VAV2: variants seen among roughly 807,000 people sequenced by gnomAD.
The protein encoded by VAV2 is vav guanine nucleotide exchange factor 2, also known as guanine nucleotide exchange factor VAV2.
In VAV2, 67 loss-of-function variants were observed where a neutral mutation model predicts 132.5. That is an observed-to-expected ratio of 0.51 (90% confidence interval 0.42 to 0.62). VAV2 has a LOEUF of 0.62. Among genes scored for constraint, VAV2 ranks in the 20% least tolerant of loss-of-function variants. The pLI is 0.00. For missense variants in VAV2, 938 were observed against 1,153.6 expected (o/e 0.81, Z 2.71); for synonymous variants, 492 against 443.5 (o/e 1.11, Z -1.37).
intron 2 of VAV2, among the ~76,000 whole-genome samples, chr9:133,923,219 G>A (rs531478838): frequency 6.6e-6 from 1 of 152,284 alleles, no homozygotes; most frequent in East Asian, 1.9e-4. Context: ...AGAAATGGGA[G>A]CCCCGCTCAC....
chr9:133,940,100 G>C (rs1254081888), intron 1 of VAV2, among the ~76,000 whole-genome samples: 2 of 152,220 alleles, frequency 1.3e-5, no homozygotes, highest in East Asian at 1.9e-4. Flanking sequence ...TCGGGCCCCA[G>C]GTTGGAATCC....
chr9:133,846,472 T>C (rs1836939538), intron 3 of VAV2, among the ~76,000 whole-genome samples: 1 of 152,184 alleles, frequency 6.6e-6, no homozygotes, highest in Non-Finnish European at 1.5e-5. Context: ...AGGAAGGGTC[T>C]GGACAAAATC....
intron 1 of VAV2, among the ~76,000 whole-genome samples, chr9:133,956,090 T>C (rs1432390012): frequency 6.6e-6 from 1 of 151,934 alleles, no homozygotes; most frequent in Non-Finnish European, 1.5e-5. Flanking sequence ...GCTGGACAAG[T>C]CGCTGACCCT....
At chr9:133,956,690 A>C (rs1740669873) in intron 1 of VAV2, among the ~76,000 whole-genome samples, 2 of 152,214 alleles carry the variant, frequency 1.3e-5, no homozygotes, top group Non-Finnish European at 1.5e-5. Context: ...GCTGGTGGGC[A>C]GAGCACCAGG....
At position 133,784,330 on chromosome 9, in the gene VAV2, T is replaced by C. The variant is rs986093528; in HGVS notation, c.1621A>G (p.Lys541Glu). The C allele has an allele frequency of 3.1e-6, 5 of 1,614,218 alleles. No individual in the cohort carries two copies. The highest frequency in any genetic ancestry group is 4.2e-6 in the Non-Finnish European group (5 of 1,180,016). Residue 541 changes from lysine (K) to glutamate (E), a missense_variant, in exon 18 of 30, where the codon AAA (lysine) becomes GAA (glutamate). Physicochemically the swap from Lys to Glu is moderately conservative, Grantham distance 56. Transcript: ENST00000371850. ...GGTTTCCCACACCTGAGGAACATTT[T>C]GCAGGCTTTGCAGTTGGTGGTCTTG... ...FDKTTNCKAC[K>E]MFLRGTFYQG...
intron 29 of VAV2, 100 bp from the exon 30 acceptor site, chr9:133,764,209 G>C: frequency 6.7e-7 from 1 of 1,481,702 alleles, no homozygotes; most frequent in Non-Finnish European, 9.3e-7. Context: ...GGCTCATGAA[G>C]ATGGGGGGCC....
chr9:133,987,710 A>C (rs1842900286), intron 1 of VAV2, among the ~76,000 whole-genome samples: 2 of 152,202 alleles, frequency 1.3e-5, no homozygotes, highest in African/African-American at 4.8e-5. Flanking sequence ...TTAAGGGTGC[A>C]AACTGCTGAT....
At chr9:133,974,147 G>C (rs1344412311) in intron 1 of VAV2, among the ~76,000 whole-genome samples, 1 of 150,768 alleles carries the variant, frequency 6.6e-6, no homozygotes, top group African/African-American at 2.4e-5. Flanking sequence ...AGGGCCCAGC[G>C]TCTCCTCACA....
intron 1 of VAV2, among the ~76,000 whole-genome samples, chr9:133,957,684 C>T (rs997609654): frequency 2.0e-5 from 3 of 152,148 alleles, no homozygotes; most frequent in Non-Finnish European, 4.4e-5. Context: ...GCTGGCCCCA[C>T]CTCAGCCGGG....
chr9:133,812,412 G>A lies in VAV2; in HGVS notation c.450-196C>T, dbSNP rs554027617. 2.0e-4 allele frequency among the ~76,000 whole-genome samples: 31 copies of A among 152,332 alleles called. 2 individuals are homozygous for A. The South Asian group carries it at 5.8e-3, about 28-fold the overall frequency. ...GGGTGCGAACTGGGCAGCGTAAGGC[G>A]CATCCTCCAGTGCTCTGCCTGCTGC... is the stretch of plus-strand genomic sequence containing the variant. On this transcript the variant is annotated intron_variant, in intron 4 of 29. Transcript: ENST00000371850.
chr9:133,785,282 G>A (rs1220504481), intron 17 of VAV2, among the ~76,000 whole-genome samples: 1 of 152,214 alleles, frequency 6.6e-6, no homozygotes, highest in Non-Finnish European at 1.5e-5. Context: ...CAGGGTCCGT[G>A]TTCCGGGAAC....
At chr9:133,970,153 G>A (rs1842281111) in intron 1 of VAV2, among the ~76,000 whole-genome samples, 1 of 152,144 alleles carries the variant, frequency 6.6e-6, no homozygotes, top group Non-Finnish European at 1.5e-5. Flanking sequence ...ACTCCTTGAA[G>A]GAGAGACCGA....
intron 1 of VAV2, among the ~76,000 whole-genome samples, chr9:133,940,972 C>G (rs1339479114): frequency 6.6e-6 from 1 of 151,000 alleles, no homozygotes; most frequent in Non-Finnish European, 1.5e-5. Flanking sequence ...GGATCACACA[C>G]AGTTTCTGCT....
At position 133,846,836 on chromosome 9, in the gene VAV2, G is replaced by A. The variant is rs539933611; in HGVS notation, c.381-12496C>T. On this transcript the variant is annotated intron_variant, in intron 3 of 29. Transcript: ENST00000371850. ...GCCGACGGGCGGCAGGGATGAGAGG[G>A]AGCGACTTGTCCGCCCCAGTGATCG... Among the ~76,000 whole-genome samples the A allele has an allele frequency of 7.2e-5, 11 of 152,388 alleles. No individual in the cohort carries two copies. The East Asian group carries it at 2.1e-3, about 29-fold the overall frequency.
At chr9:133,972,713 C>A (rs555623333) in intron 1 of VAV2, among the ~76,000 whole-genome samples, 1 of 152,132 alleles carries the variant, frequency 6.6e-6, no homozygotes, top group African/African-American at 2.4e-5. Flanking sequence ...CTCACTCCAG[C>A]GAGGGGAACC....
rs984458557 is a variant in VAV2, at chr9:133,991,817, G to A, written c.204+258C>T. On this transcript the variant is annotated intron_variant, in intron 1 of 29. Coordinates refer to ENST00000371850, the MANE Select transcript of VAV2 (RefSeq NM_001134398.2). The surrounding 1 kb of genome is among the most constrained non-coding windows in gnomAD (Gnocchi z 4.8). Reference sequence around the variant, plus strand: ...CCCATCCCAGGCCGCGCAGACCGCGGAACCGGCGCACCAGAGCAGTGCCCG... The same window carrying A: ...CCCATCCCAGGCCGCGCAGACCGCGAAACCGGCGCACCAGAGCAGTGCCCG... Among the ~76,000 whole-genome samples, 2 of 150,980 alleles carry A rather than the reference G, an allele frequency of 1.3e-5. No homozygotes were observed. Among genetic ancestry groups the A allele is most frequent in the Non-Finnish European group, 3.0e-5 (2 of 67,536 alleles).
In VAV2 at chr9:133,900,650, T is replaced by C. The variant is rs1331837531; in HGVS notation, c.321+38453A>G. On this transcript the variant is annotated intron_variant, in intron 2 of 29. Coordinates refer to ENST00000371850, the MANE Select transcript of VAV2 (RefSeq NM_001134398.2). ...TCTGCCTGCCCATGCTTTGTGGAAC[T>C]TGCACATAAAAATGAGCAATTTCCC... 3.3e-5 allele frequency among the ~76,000 whole-genome samples: 5 copies of C among 152,308 alleles called. No individual in the cohort carries two copies. In the South Asian group the frequency reaches 1.0e-3, roughly 32 times the overall value.
At chr9:133,789,019 T>C (rs1474291237) in intron 14 of VAV2, among the ~76,000 whole-genome samples, 2 of 152,158 alleles carry the variant, frequency 1.3e-5, no homozygotes, top group Non-Finnish European at 2.9e-5. Context: ...CTGGCCCTCA[T>C]CTTTGGCTGC....
At chr9:133,808,982 G>A in intron 7 of VAV2, 58 bp downstream of exon 7, 1 of 1,499,178 alleles carries the variant, frequency 6.7e-7, no homozygotes, top group Non-Finnish European at 9.2e-7. Flanking sequence ...GAGATAGGTG[G>A]CCCTGCAGTG....
Sources: allele counts gnomAD v4.1 joint callset (sites outside exome capture counted in the v4.1 genomes callset), GRCh38; gene constraint gnomAD v4.1.1; non-coding constraint Gnocchi (gnomAD v3.1); transcripts MANE v1.5; gene names NCBI Gene and HGNC (gene_info 2026-07-23, HGNC 2026-07-21).